CLVS1: variants seen among roughly 807,000 people sequenced by gnomAD.
CLVS1 encodes the protein clavesin 1.
CLVS1 carries 10 observed loss-of-function variants against 33.1 expected under a neutral mutation model. That is an observed-to-expected ratio of 0.30 (90% CI 0.19 to 0.51). The LOEUF (loss-of-function observed/expected upper bound fraction) is 0.51. Among genes scored for constraint, CLVS1 ranks in the 20% least tolerant of loss-of-function variants. The pLI, the probability that CLVS1 is intolerant of heterozygous loss-of-function variation, is 0.97. For synonymous variants in CLVS1, 163 were observed against 166.1 expected (o/e 0.98, Z 0.14); for missense variants, 343 against 433.4 (o/e 0.79, Z 1.85).
chr8:61,454,091 T>C, intron 3 of CLVS1, 50 bp from the exon 4 acceptor site: 1 of 1,296,044 alleles, frequency 7.7e-7, no homozygotes. Context: ...TGGTCCAGTC[T>C]AACAAGGTGT....
the CLVS1 span, among the ~76,000 whole-genome samples, chr8:61,050,210 T>A: frequency 6.6e-6 from 1 of 152,252 alleles, no homozygotes; most frequent in Non-Finnish European, 1.5e-5. Context: ...CCTCCTTGTA[T>A]GTTTTTATAA....
the CLVS1 span, among the ~76,000 whole-genome samples, chr8:61,008,720 A>G: frequency 6.6e-6 from 1 of 152,230 alleles, no homozygotes; most frequent in Non-Finnish European, 1.5e-5. Context: ...AGGTCCTTGT[A>G]ACTGATATTG....
the CLVS1 span, among the ~76,000 whole-genome samples, chr8:61,027,371 G>T: frequency 6.6e-6 from 1 of 152,104 alleles, no homozygotes; most frequent in Non-Finnish European, 1.5e-5. Context: ...TGAATTCAGT[G>T]GACCTAAGGC....
At chr8:61,257,977 C>G (rs1438764050) in intron 2 of CLVS1, among the ~76,000 whole-genome samples, 3 of 151,962 alleles carry the variant, frequency 2.0e-5, no homozygotes, top group African/African-American at 4.8e-5. Flanking sequence ...GTGGTAGTGA[C>G]TACTACCACT....
intron 2 of CLVS1, chr8:61,264,608 A>G (rs984315226): frequency 1.3e-5 from 2 of 152,222 alleles, no homozygotes; most frequent in Non-Finnish European, 2.9e-5. Flanking sequence ...AGATTCAAAG[A>G]TTTTTTGAAT....
chr8:61,189,761 C>A (rs192014079), intron 2 of CLVS1, among the ~76,000 whole-genome samples: 1 of 152,088 alleles, frequency 6.6e-6, no homozygotes, highest in Non-Finnish European at 1.5e-5. Context: ...CAACAAAGAT[C>A]AAAAGAGACA....
chr8:61,424,431 G>C (rs920079215), intron 3 of CLVS1, among the ~76,000 whole-genome samples: 1 of 152,178 alleles, frequency 6.6e-6, no homozygotes, highest in Non-Finnish European at 1.5e-5. Context: ...TGTCAAACTA[G>C]CTTAGACTAA....
chr8:61,431,754 A>C (rs976856043), intron 3 of CLVS1, among the ~76,000 whole-genome samples: 1 of 152,164 alleles, frequency 6.6e-6, no homozygotes, highest in African/African-American at 2.4e-5. Flanking sequence ...CTGAAATTTT[A>C]GGAGTCTACC....
intron 2 of CLVS1, among the ~76,000 whole-genome samples, chr8:61,280,084 G>T (rs759218865): frequency 1.3e-5 from 2 of 151,746 alleles, no homozygotes; most frequent in Non-Finnish European, 2.9e-5. Flanking sequence ...TAAATTAGAT[G>T]GATAGTAAGT....
intron 2 of CLVS1, among the ~76,000 whole-genome samples, chr8:61,324,982 C>T (rs777222981): frequency 1.5e-4 from 23 of 152,140 alleles, no homozygotes; most frequent in Non-Finnish European, 1.8e-4. Flanking sequence ...GAAGAGGAAG[C>T]ACACAGCAGC....
intron 1 of CLVS1, among the ~76,000 whole-genome samples, chr8:61,119,409 G>C (rs1805809907): frequency 6.7e-6 from 1 of 149,354 alleles, no homozygotes; most frequent in Non-Finnish European, 1.5e-5. Context: ...ATTTGATCCT[G>C]TCATTATGAT....
intron 2 of CLVS1, among the ~76,000 whole-genome samples, chr8:61,233,557 C>T (rs889809930): frequency 1.6e-4 from 25 of 151,554 alleles, no homozygotes. Context: ...AAAAAGTCCA[C>T]GTCAGTCAGA....
At chr8:60,976,945 G>A in the CLVS1 span, among the ~76,000 whole-genome samples, 1 of 152,196 alleles carries the variant, frequency 6.6e-6, no homozygotes, top group Non-Finnish European at 1.5e-5. Flanking sequence ...AACCCCCATG[G>A]GCTAAAGCAG....
chr8:61,135,826 C>T (rs1806182720), intron 2 of CLVS1, among the ~76,000 whole-genome samples: 2 of 152,318 alleles, frequency 1.3e-5, no homozygotes, highest in South Asian at 4.1e-4. Flanking sequence ...AAGAAAAGAG[C>T]CTCTAGTAGA....
intron 1 of CLVS1, among the ~76,000 whole-genome samples, chr8:61,079,151 G>T (rs1263793775): frequency 6.6e-6 from 1 of 152,172 alleles, no homozygotes; most frequent in East Asian, 1.9e-4. Context: ...TGAGACATCA[G>T]CTTTATACTT....
At chr8:61,232,023 G>GTTTGTTTTTTTTTTT in intron 2 of CLVS1, among the ~76,000 whole-genome samples, 17 of 62,658 alleles carry the variant, frequency 2.7e-4, no homozygotes, top group South Asian at 9.9e-4. Flanking sequence ...GAAAGTTGTG[G>GTTTGTTTTTTTTTTT]TTTTTTTTTT....
chr8:61,173,148 G>A (rs909379445), intron 2 of CLVS1, among the ~76,000 whole-genome samples: 4 of 152,000 alleles, frequency 2.6e-5, no homozygotes, highest in Non-Finnish European at 5.9e-5. Flanking sequence ...TTATTATCTG[G>A]TTAACATTTT....
rs1490305224 is a variant in CLVS1, at chr8:61,355,812, A to G, written c.456-20793A>G. Among the ~76,000 whole-genome samples, 5 of 152,136 alleles carry G rather than the reference A, an allele frequency of 3.3e-5. No homozygotes were observed. In the East Asian group the frequency reaches 7.7e-4, roughly 23 times the overall value. On this transcript the variant is annotated intron_variant, in intron 2 of 5. Transcript: ENST00000325897. Reference sequence around the variant, plus strand: ...CCACATTTTCTTAATCCAGTCTATCATTGTTGGACATTTGGGTTGGTTCCA... The same window carrying G: ...CCACATTTTCTTAATCCAGTCTATCGTTGTTGGACATTTGGGTTGGTTCCA...
At chr8:61,473,127 A>T (rs1205367378) in intron 5 of CLVS1, among the ~76,000 whole-genome samples, 1 of 152,120 alleles carries the variant, frequency 6.6e-6, no homozygotes, top group Non-Finnish European at 1.5e-5. Context: ...AGGAAGTCAC[A>T]TATAAGCTGA....
Sources: gnomAD v4.1 joint callset for allele counts (sites outside exome capture counted in the v4.1 genomes callset) on GRCh38, gnomAD v4.1.1 for gene constraint, MANE v1.5 for transcripts, NCBI Gene and HGNC (gene_info 2026-07-23, HGNC 2026-07-21) for gene names.